Variants in TLN2 observed in about 807,000 individuals in gnomAD.
TLN2 encodes talin 2.
Under a neutral mutation model 294.7 loss-of-function variants are expected in TLN2, and 118 were observed. The ratio of observed to expected loss-of-function variants is 0.40; its 90% confidence interval spans 0.34 to 0.47. The LOEUF is 0.47. Among genes scored for constraint, TLN2 ranks in the 20% least tolerant of loss-of-function variants. The pLI is 0.84. For missense variants in TLN2, 3,083 were observed against 3,282.2 expected (o/e 0.94, Z 1.48); for synonymous variants, 1,431 against 1,304.5 (o/e 1.10, Z -2.09).
intron 1 of TLN2, among the ~76,000 whole-genome samples, chr15:62,409,578 A>G (rs1221162534): frequency 1.3e-5 from 2 of 152,206 alleles, no homozygotes; most frequent in Non-Finnish European, 2.9e-5. Context: ...ATTCATTGTC[A>G]AAGTAAATTC....
chr15:62,563,983 G>A (rs1340318973), intron 1 of TLN2, among the ~76,000 whole-genome samples: 4 of 152,214 alleles, frequency 2.6e-5, no homozygotes, highest in Admixed American at 6.5e-5. Context: ...GCATATAGCC[G>A]AGTGCCAGGC....
chr15:62,750,355 G>T, intron 33 of TLN2, 47 bp from the exon 34 acceptor site: 1 of 1,516,462 alleles, frequency 6.6e-7, no homozygotes, highest in Non-Finnish European at 9.2e-7. Context: ...AATTTCTTTT[G>T]CTCTATGACA....
intron 21 of TLN2, 132 bp from the exon 22 acceptor site, chr15:62,711,779 C>G (rs1490514132): frequency 1.0e-6 from 1 of 990,790 alleles, no homozygotes; most frequent in African/African-American, 1.6e-5. Context: ...TGGCTTAGGA[C>G]TAGAGCATGG....
Position 62,752,394 on chromosome 15 carries a change from G to A in TLN2, c.4299G>A (p.Lys1433=), listed in dbSNP as rs746851410. The A allele has an allele frequency of 6.2e-7, 1 of 1,614,194 alleles. No homozygotes were observed. Among genetic ancestry groups the A allele is most frequent in the Non-Finnish European group, 8.5e-7 (1 of 1,180,030 alleles). The change falls in exon 35 of 59, where the codon AAG becomes AAA. Residue 1433 remains lysine, a synonymous_variant. Transcript: ENST00000636159. ...GGGAATGTGTGGGGATTGCATCCAA[G>A]GCTCTCTGTGGGCTGACAGAGGCTG... ...AFGECVGIAS[K]ALCGLTEAAA...
chr15:62,657,754 T>C lies in TLN2; in HGVS notation c.661-17T>C, dbSNP rs950308999. ...TCCCCGAAGCCTCTGATGCTTTTCC[T>C]TCCTCTTGTGTTTCAGGCACGGGAT... On this transcript the variant is annotated splice_polypyrimidine_tract_variant and intron_variant, in intron 8 of 58. Transcript: ENST00000636159. 8 of 1,609,226 alleles carry C rather than the reference T, an allele frequency of 5.0e-6. No homozygotes were observed. The highest frequency in any genetic ancestry group is 5.9e-6 in the Non-Finnish European group (7 of 1,178,552).
chr15:62,521,238 C>T (rs1428843517), intron 1 of TLN2, among the ~76,000 whole-genome samples: 2 of 152,080 alleles, frequency 1.3e-5, no homozygotes, highest in Non-Finnish European at 1.5e-5. Flanking sequence ...GAATTTTTGA[C>T]ATCTGTGCAG....
At chr15:62,763,426 G>T in intron 39 of TLN2, 137 bp from the exon 40 acceptor site, 1 of 1,156,758 alleles carries the variant, frequency 8.6e-7, no homozygotes, top group East Asian at 2.5e-5. Flanking sequence ...TGCCAACCAG[G>T]GGTCAGGGAT....
chr15:62,710,730 T>C (rs2141127540), intron 21 of TLN2, among the ~76,000 whole-genome samples: 1 of 91,782 alleles, frequency 1.1e-5, no homozygotes, highest in South Asian at 3.9e-4. Flanking sequence ...CTTTTTTTTT[T>C]TTTTTTTTTT....
chr15:62,443,586 T>C (rs1379689450), intron 1 of TLN2, among the ~76,000 whole-genome samples: 1 of 152,180 alleles, frequency 6.6e-6, no homozygotes, highest in Non-Finnish European at 1.5e-5. Flanking sequence ...CTTCAAACTT[T>C]AGATTAAAGG....
At chr15:62,506,919 C>T (rs1169680763) in intron 1 of TLN2, among the ~76,000 whole-genome samples, 1 of 152,078 alleles carries the variant, frequency 6.6e-6, no homozygotes, top group Non-Finnish European at 1.5e-5. Context: ...TTTATTTTTG[C>T]TTATGTGTAT....
intron 1 of TLN2, among the ~76,000 whole-genome samples, chr15:62,522,982 T>A (rs527281042): frequency 0.022 from 3,085 of 138,606 alleles, 37 homozygotes; most frequent in Non-Finnish European, 0.031. Flanking sequence ...ACACACACTC[T>A]CTCACTCACA....
intron 7 of TLN2, among the ~76,000 whole-genome samples, chr15:62,654,139 C>T (rs886755467): frequency 2.6e-5 from 4 of 152,158 alleles, no homozygotes; most frequent in African/African-American, 9.7e-5. Flanking sequence ...GGTCACCACT[C>T]AGTGTGATAG....
intron 2 of TLN2, among the ~76,000 whole-genome samples, chr15:62,599,507 A>G (rs1458878696): frequency 6.6e-6 from 1 of 152,236 alleles, no homozygotes; most frequent in Non-Finnish European, 1.5e-5. Flanking sequence ...AAATCCAGTG[A>G]AAACTGGATA....
At chr15:62,529,672 C>A (rs1050664215) in intron 1 of TLN2, among the ~76,000 whole-genome samples, 1 of 151,650 alleles carries the variant, frequency 6.6e-6, no homozygotes, top group South Asian at 2.1e-4. Context: ...TCACAGGGAA[C>A]CTTCCCTCAT....
At chr15:62,688,952 TTCTA>T (rs1195683088) in intron 12 of TLN2, among the ~76,000 whole-genome samples, 10 of 152,248 alleles carry the variant, frequency 6.6e-5, no homozygotes, top group African/African-American at 1.9e-4. Context: ...TTTTAATCCA[TTCTA>T]TCTCAGTTTT....
chr15:62,570,225 G>C (rs1019422422), intron 1 of TLN2, among the ~76,000 whole-genome samples: 1 of 152,134 alleles, frequency 6.6e-6, no homozygotes, highest in Non-Finnish European at 1.5e-5. Context: ...ACATTCCCCC[G>C]CCTCACCCAC....
At chr15:62,576,652 G>A (rs775308550) in intron 1 of TLN2, among the ~76,000 whole-genome samples, 3 of 137,908 alleles carry the variant, frequency 2.2e-5, no homozygotes, top group Non-Finnish European at 4.6e-5. Context: ...AAAAGATAAT[G>A]GAATGATTCC....
intron 1 of TLN2, among the ~76,000 whole-genome samples, chr15:62,582,221 CA>C (rs2045143823): frequency 3.5e-5 from 5 of 142,634 alleles, no homozygotes; most frequent in Admixed American, 2.9e-4. Flanking sequence ...CACACACACA[CA>C]CACACACACA....
chr15:62,628,005 C>T (rs531409196), intron 3 of TLN2, among the ~76,000 whole-genome samples: 2 of 152,300 alleles, frequency 1.3e-5, no homozygotes, highest in African/African-American at 2.4e-5. Context: ...CAAAATCACA[C>T]AGGAACTGTC....
Sources: gnomAD v4.1 joint callset for allele counts (sites outside exome capture counted in the v4.1 genomes callset) on GRCh38, gnomAD v4.1.1 for gene constraint, MANE v1.5 for transcripts, NCBI Gene and HGNC (gene_info 2026-07-23, HGNC 2026-07-21) for gene names.